LRRC37A2: variants seen among roughly 807,000 people sequenced by gnomAD.
LRRC37A2 encodes the protein leucine-rich repeat-containing protein 37A2.
In LRRC37A2, 9 loss-of-function variants were observed where a neutral mutation model predicts 68.8. The ratio of observed to expected loss-of-function variants is 0.13; its 90% confidence interval spans 0.08 to 0.23. The LOEUF (loss-of-function observed/expected upper bound fraction) is 0.23, where lower values mean the gene tolerates loss of function less well. Ranked by LOEUF, LRRC37A2 falls within the 10% of genes least tolerant of loss-of-function variation. The pLI, the probability that LRRC37A2 is intolerant of heterozygous loss-of-function variation, is 1.00. For synonymous variants in LRRC37A2, 63 were observed against 367.6 expected (o/e 0.17, Z 9.48); for missense variants, 168 against 950.4 (o/e 0.18, Z 10.82).
the LRRC37A2 span, among the ~76,000 whole-genome samples, chr17:46,852,948 G>T: frequency 6.6e-6 from 1 of 152,106 alleles, no homozygotes; most frequent in Admixed American, 6.5e-5. Flanking sequence ...TATCATCCCA[G>T]ACCCTAGCTC....
At chr17:46,983,506 C>T in the LRRC37A2 span, among the ~76,000 whole-genome samples, 44 of 152,068 alleles carry the variant, frequency 2.9e-4, no homozygotes, top group Middle Eastern at 3.4e-3. Context: ...TGTTGGCCAG[C>T]TGGTCTCGAA....
chr17:46,403,901 C>T, the LRRC37A2 span, among the ~76,000 whole-genome samples: 2 of 58,040 alleles, frequency 3.4e-5, no homozygotes, highest in Non-Finnish European at 7.8e-5. Context: ...GGGGCTTCAC[C>T]GTGTTAGCCA....
chr17:46,389,238 C>T, the LRRC37A2 span, among the ~76,000 whole-genome samples: 2 of 151,472 alleles, frequency 1.3e-5, no homozygotes, highest in African/African-American at 4.9e-5. Context: ...AACAAACTTA[C>T]TGAAACAACA....
the LRRC37A2 span, chr17:46,713,900 G>T: frequency 6.2e-7 from 1 of 1,612,862 alleles, no homozygotes. Context: ...AATTGCAGAG[G>T]AATCCAACTT....
the LRRC37A2 span, chr17:46,932,092 G>A: frequency 6.2e-6 from 10 of 1,613,418 alleles, no homozygotes; most frequent in African/African-American, 5.3e-5. Flanking sequence ...AAAGTATGAT[G>A]TCCAGCACCT....
chr17:46,828,869 G>A, the LRRC37A2 span, among the ~76,000 whole-genome samples: 1 of 148,390 alleles, frequency 6.7e-6, no homozygotes, highest in Non-Finnish European at 1.5e-5. Context: ...GGCTGAGGCT[G>A]GAGAATCGCT....
the LRRC37A2 span, among the ~76,000 whole-genome samples, chr17:46,718,651 G>A: frequency 6.6e-6 from 1 of 152,088 alleles, no homozygotes. Context: ...ATTTGGGCTT[G>A]CTCAGCTCTC....
At chr17:46,529,818 G>T (rs1313817162) in intron 6 of LRRC37A2, among the ~76,000 whole-genome samples, 1 of 120,488 alleles carries the variant, frequency 8.3e-6, no homozygotes, top group East Asian at 2.5e-4. Context: ...GAATGCCTTA[G>T]AACAGGAGGA....
chr17:46,976,724 T>A, the LRRC37A2 span, among the ~76,000 whole-genome samples: 1 of 151,554 alleles, frequency 6.6e-6, no homozygotes, highest in African/African-American at 2.4e-5. Context: ...CATTTTCTGG[T>A]CATTTGGGAT....
At chr17:46,755,703 C>G in the LRRC37A2 span, 1 of 1,306,022 alleles carries the variant, frequency 7.7e-7, no homozygotes, top group East Asian at 2.4e-5. Context: ...GTAGGATAAC[C>G]ATTAAGAAGC....
At chr17:46,769,744 CT>C in the LRRC37A2 span, 1 of 1,603,250 alleles carries the variant, frequency 6.2e-7, no homozygotes, top group South Asian at 1.1e-5. Flanking sequence ...AAGCGGGGGG[CT>C]GCTCCCTGAA....
chr17:46,502,351 C>T, the LRRC37A2 span, among the ~76,000 whole-genome samples: 2 of 151,088 alleles, frequency 1.3e-5, no homozygotes, highest in African/African-American at 2.5e-5. Flanking sequence ...ACTCTTGTTC[C>T]CCAGGCTAGA....
chr17:46,841,057 A>G, the LRRC37A2 span, among the ~76,000 whole-genome samples: 1 of 152,200 alleles, frequency 6.6e-6, no homozygotes, highest in African/African-American at 2.4e-5. Flanking sequence ...CAGGAGGCAG[A>G]GGGTGGGAGA....
the LRRC37A2 span, among the ~76,000 whole-genome samples, chr17:46,993,876 G>A: frequency 3.3e-5 from 5 of 150,812 alleles, no homozygotes; most frequent in Non-Finnish European, 7.4e-5. Context: ...CCCAGATGAG[G>A]CTCAGAGAGT....
chr17:46,904,411 T>C, the LRRC37A2 span, among the ~76,000 whole-genome samples: 1 of 143,126 alleles, frequency 7.0e-6, no homozygotes, highest in Non-Finnish European at 1.5e-5. Context: ...GATGGATGGG[T>C]TGGTGGGTGC....
the LRRC37A2 span, among the ~76,000 whole-genome samples, chr17:46,835,799 C>G: frequency 7.9e-5 from 12 of 152,264 alleles, no homozygotes; most frequent in African/African-American, 2.9e-4. Flanking sequence ...GGAGGAGGGC[C>G]TGCGCCCCCT....
intron 6 of LRRC37A2, among the ~76,000 whole-genome samples, chr17:46,539,906 T>G (rs1187513299): frequency 6.8e-6 from 1 of 146,990 alleles, no homozygotes; most frequent in East Asian, 2.0e-4. Context: ...GTTTTTGACC[T>G]GAAAAGTTCT....
chr17:46,851,222 G>C, the LRRC37A2 span, among the ~76,000 whole-genome samples: 8 of 152,070 alleles, frequency 5.3e-5, no homozygotes, highest in Admixed American at 4.6e-4. The surrounding 1 kb of genome is among the most constrained non-coding windows in gnomAD (Gnocchi z 4.3). Context: ...CTCTACCTCG[G>C]AGAAGCCATT....
At chr17:46,704,952 A>G in the LRRC37A2 span, 38 of 1,177,894 alleles carry the variant, frequency 3.2e-5, no homozygotes, top group Non-Finnish European at 4.2e-5. Context: ...ATGGAAGGTT[A>G]TAGCATATGC....
Sources: allele counts gnomAD v4.1 joint callset (sites outside exome capture counted in the v4.1 genomes callset), GRCh38; gene constraint gnomAD v4.1.1; non-coding constraint Gnocchi (gnomAD v3.1); transcripts MANE v1.5; gene names NCBI Gene and HGNC (gene_info 2026-07-23, HGNC 2026-07-21).